Variants in MTCL3 observed in about 807,000 individuals in gnomAD.
MTCL3 encodes microtubule cross-linking factor 3.
the MTCL3 span, chr6:127,475,319 C>T: frequency 6.2e-6 from 10 of 1,610,684 alleles, no homozygotes; most frequent in South Asian, 8.8e-5. The surrounding 1 kb of genome is among the most constrained non-coding windows in gnomAD (Gnocchi z 7.3). Context: ...GGCTCCTCGG[C>T]GCCGCGGTCG....
the MTCL3 span, among the ~76,000 whole-genome samples, chr6:127,478,471 A>G: frequency 6.6e-6 from 1 of 152,276 alleles, no homozygotes; most frequent in African/African-American, 2.4e-5. Context: ...AGAAATGGAA[A>G]TGGTTTTGGG....
the MTCL3 span, among the ~76,000 whole-genome samples, chr6:127,477,211 T>TA: frequency 3.9e-5 from 6 of 152,208 alleles, no homozygotes; most frequent in Admixed American, 3.9e-4. Context: ...AGATCACATT[T>TA]AAAATAGGTT....
chr6:127,502,938 C>G, the MTCL3 span, among the ~76,000 whole-genome samples: 1 of 152,198 alleles, frequency 6.6e-6, no homozygotes, highest in Non-Finnish European at 1.5e-5. Flanking sequence ...TTTTCTAGTC[C>G]TATGTTCCTA....
chr6:127,516,624 C>A, the MTCL3 span: 1 of 1,594,578 alleles, frequency 6.3e-7, no homozygotes, highest in Non-Finnish European at 8.5e-7. Context: ...TGGCTATGAA[C>A]CTACCAGATG....
At chr6:127,499,028 C>A in the MTCL3 span, among the ~76,000 whole-genome samples, 176 of 151,988 alleles carry the variant, frequency 1.2e-3, 1 homozygote, top group African/African-American at 3.7e-3. Flanking sequence ...TACTAAAAAC[C>A]ATTAAATTGT....
At chr6:127,475,591 C>T in the MTCL3 span, 17 of 1,604,892 alleles carry the variant, frequency 1.1e-5, no homozygotes, top group African/African-American at 1.6e-4. This position sits in a 1 kb window ranked among gnomAD's most constrained non-coding sequence, Gnocchi z 7.3. Flanking sequence ...CATCTGCTGC[C>T]GATCGGAGAA....
chr6:127,490,534 T>G, the MTCL3 span, among the ~76,000 whole-genome samples: 1 of 151,886 alleles, frequency 6.6e-6, no homozygotes, highest in East Asian at 1.9e-4. Context: ...ATATTCATGA[T>G]TGGGCCAGGC....
chr6:127,515,438 TC>T, the MTCL3 span: 1 of 1,336,264 alleles, frequency 7.5e-7, no homozygotes, highest in African/African-American at 1.5e-5. The surrounding 1 kb of genome is among the most constrained non-coding windows in gnomAD (Gnocchi z 4.3). Flanking sequence ...CAGCCTCTGA[TC>T]CCTGCCGGTA....
chr6:127,503,782 T>G, the MTCL3 span, among the ~76,000 whole-genome samples: 1 of 152,090 alleles, frequency 6.6e-6, no homozygotes, highest in Admixed American at 6.6e-5. Context: ...GGAAGTGGGG[T>G]GAGGCTGGAG....
chr6:127,514,023 C>G, the MTCL3 span, among the ~76,000 whole-genome samples: 4 of 152,172 alleles, frequency 2.6e-5, no homozygotes, highest in African/African-American at 7.2e-5. Context: ...CTTTAAATCC[C>G]AATGAAGTTA....
chr6:127,482,937 T>G, the MTCL3 span: 24 of 1,609,316 alleles, frequency 1.5e-5, no homozygotes, highest in African/African-American at 3.1e-4. The surrounding 1 kb of genome is among the most constrained non-coding windows in gnomAD (Gnocchi z 4.1). Context: ...GTTGAGCCTT[T>G]TTTTCAGATT....
chr6:127,489,304 C>A, the MTCL3 span, among the ~76,000 whole-genome samples: 1 of 152,180 alleles, frequency 6.6e-6, no homozygotes, highest in Non-Finnish European at 1.5e-5. Context: ...CATCTCTCTC[C>A]CTCTCAGGCC....
the MTCL3 span, chr6:127,475,864 T>C: frequency 6.2e-7 from 1 of 1,613,516 alleles, no homozygotes; most frequent in Non-Finnish European, 8.5e-7. This position sits in a 1 kb window ranked among gnomAD's most constrained non-coding sequence, Gnocchi z 7.3. Context: ...GTACTGCAGC[T>C]GCATGACCTT....
chr6:127,481,240 T>A, the MTCL3 span: 1 of 934,102 alleles, frequency 1.1e-6, no homozygotes, highest in Non-Finnish European at 1.3e-6. Flanking sequence ...GTCTACTCCA[T>A]AAACAAGGTA....
At chr6:127,497,799 G>GA in the MTCL3 span, among the ~76,000 whole-genome samples, 2 of 152,102 alleles carry the variant, frequency 1.3e-5, no homozygotes, top group Non-Finnish European at 2.9e-5. Context: ...AAAGAAAAAG[G>GA]AAAAAAGAAG....
At chr6:127,516,281 CT>C in the MTCL3 span, 2 of 1,521,546 alleles carry the variant, frequency 1.3e-6, no homozygotes, top group Non-Finnish European at 1.8e-6. Context: ...GGAGCGGCCC[CT>C]TTGGGCGCCA....
chr6:127,486,755 A>AT, the MTCL3 span, among the ~76,000 whole-genome samples: 1 of 152,074 alleles, frequency 6.6e-6, no homozygotes, highest in African/African-American at 2.4e-5. Context: ...GCCAGTAATT[A>AT]TTTTTTCACA....
At chr6:127,516,062 C>A in the MTCL3 span, 10 of 1,528,400 alleles carry the variant, frequency 6.5e-6, no homozygotes, top group African/African-American at 2.8e-5. Flanking sequence ...GGAGCGCCCC[C>A]CTCCCTTTCC....
At chr6:127,502,726 T>C in the MTCL3 span, among the ~76,000 whole-genome samples, 1 of 152,224 alleles carries the variant, frequency 6.6e-6, no homozygotes, top group Non-Finnish European at 1.5e-5. Context: ...AACAGTAACA[T>C]CTGATATGGT....
Sources: allele counts gnomAD v4.1 joint callset (sites outside exome capture counted in the v4.1 genomes callset), GRCh38; gene constraint gnomAD v4.1.1; non-coding constraint Gnocchi (gnomAD v3.1); transcripts MANE v1.5; gene names NCBI Gene and HGNC (gene_info 2026-07-23, HGNC 2026-07-21).